The following PPP3CA variants were observed in gnomAD, a reference collection of about 807,000 sequenced individuals.
PPP3CA encodes protein phosphatase 3 catalytic subunit alpha.
Under a neutral mutation model 66.5 loss-of-function variants are expected in PPP3CA, and 14 were observed. The ratio of observed to expected loss-of-function variants is 0.21; its 90% CI spans 0.14 to 0.33. The LOEUF (loss-of-function observed/expected upper bound fraction) is 0.33. PPP3CA is among the 10% of genes least tolerant of loss of function. The pLI is 1.00. For missense variants in PPP3CA, 317 were observed against 639.5 expected, an observed-to-expected ratio of 0.50 and a Z score of 5.44; for synonymous variants, 232 against 226.2, an observed-to-expected ratio of 1.03 and a Z score of -0.23.
chr4:101,029,649 T>A lies in PPP3CA; in HGVS notation c.1340-454A>T, dbSNP rs189278530. On this transcript the variant is annotated intron_variant, in intron 12 of 13. Transcript: ENST00000394854. The stretch of plus-strand genomic sequence containing the variant: ...CAGAATTTGAAGCAGTGCCACAATA[T>A]CAGTGGGATCATTCACACTATTTAA... Among the ~76,000 whole-genome samples the A allele has an allele frequency of 4.6e-5, 7 of 151,834 alleles. No homozygotes were observed. In the East Asian group the frequency reaches 1.4e-3, roughly 29 times the overall value.
At chr4:101,151,707 AGTGCAGT>A (rs1723147127) in intron 2 of PPP3CA, among the ~76,000 whole-genome samples, 1 of 105,806 alleles carries the variant, frequency 9.5e-6, no homozygotes, top group South Asian at 3.5e-4. Context: ...CCCAGGCTGG[AGTGCAGT>A]GGCGCAATCT....
chr4:101,333,164 G>A (rs1460707629), intron 1 of PPP3CA, among the ~76,000 whole-genome samples: 3 of 145,960 alleles, frequency 2.1e-5, no homozygotes, highest in Admixed American at 6.9e-5. Flanking sequence ...GAATGTAACG[G>A]CATGATCATG....
intron 3 of PPP3CA, among the ~76,000 whole-genome samples, chr4:101,108,354 T>C (rs565521820): frequency 3.3e-5 from 5 of 152,344 alleles, no homozygotes; most frequent in African/African-American, 9.6e-5. Flanking sequence ...TTTCTTTCAA[T>C]GGAAAATGGA....
At chr4:101,177,357 C>T (rs1724095032) in intron 2 of PPP3CA, among the ~76,000 whole-genome samples, 2 of 152,032 alleles carry the variant, frequency 1.3e-5, no homozygotes, top group Admixed American at 1.3e-4. Flanking sequence ...TTTGAGATCA[C>T]CTAGAATAAC....
intron 1 of PPP3CA, among the ~76,000 whole-genome samples, chr4:101,298,156 G>T (rs1728253658): frequency 6.6e-6 from 1 of 151,886 alleles, no homozygotes. Context: ...AAGCTAATGG[G>T]TCTCATAGCT....
chr4:101,234,597 G>C (rs1041069377), intron 1 of PPP3CA, among the ~76,000 whole-genome samples: 2 of 150,432 alleles, frequency 1.3e-5, no homozygotes, highest in Non-Finnish European at 1.5e-5. Context: ...CTTGTAAATC[G>C]GGTCATTTTT....
At chr4:101,271,118 A>C (rs1019618871) in intron 1 of PPP3CA, among the ~76,000 whole-genome samples, 1 of 152,068 alleles carries the variant, frequency 6.6e-6, no homozygotes, top group Non-Finnish European at 1.5e-5. Flanking sequence ...ACTGTTCTCC[A>C]AATAACAGCA....
intron 2 of PPP3CA, among the ~76,000 whole-genome samples, chr4:101,130,375 C>T (rs1055485940): frequency 1.3e-5 from 2 of 152,124 alleles, no homozygotes; most frequent in African/African-American, 4.8e-5. Flanking sequence ...GACAGGCCAA[C>T]ATCCAAATTC....
At chr4:101,346,701 C>T in intron 1 of PPP3CA, 38 bp downstream of exon 1, 4 of 1,578,238 alleles carry the variant, frequency 2.5e-6, no homozygotes, top group Non-Finnish European at 3.5e-6. Flanking sequence ...GCGCCTGCGG[C>T]ACACGGTGCA....
chr4:101,255,742 T>C (rs1023749261), intron 1 of PPP3CA, among the ~76,000 whole-genome samples: 1 of 152,074 alleles, frequency 6.6e-6, no homozygotes, highest in South Asian at 2.1e-4. Flanking sequence ...CTTATTTTTA[T>C]ATCTTACACT....
At chr4:101,164,990 G>C (rs1341862659) in intron 2 of PPP3CA, among the ~76,000 whole-genome samples, 2 of 152,032 alleles carry the variant, frequency 1.3e-5, no homozygotes, top group African/African-American at 4.8e-5. Flanking sequence ...GATTAGCACT[G>C]ACTCTGGGTA....
intron 1 of PPP3CA, among the ~76,000 whole-genome samples, chr4:101,223,121 A>T (rs1344186746): frequency 6.6e-6 from 1 of 151,778 alleles, no homozygotes; most frequent in Non-Finnish European, 1.5e-5. Flanking sequence ...CCCCATGAAG[A>T]AATGAACTAA....
chr4:101,135,910 C>A (rs1722606678), intron 2 of PPP3CA, among the ~76,000 whole-genome samples: 2 of 152,216 alleles, frequency 1.3e-5, no homozygotes, highest in Non-Finnish European at 2.9e-5. Flanking sequence ...CAAATGGCAG[C>A]ACTAGCACTA....
chr4:101,274,218 T>C (rs11941991), intron 1 of PPP3CA, among the ~76,000 whole-genome samples: 100,039 of 151,676 alleles, frequency 0.66, 33,986 homozygotes, highest in Non-Finnish European at 0.75. Context: ...GTGGGAGAAT[T>C]ACTTGAACCC....
intron 1 of PPP3CA, among the ~76,000 whole-genome samples, chr4:101,210,222 A>G (rs952542850): frequency 6.6e-6 from 1 of 152,144 alleles, no homozygotes; most frequent in Non-Finnish European, 1.5e-5. Context: ...CCAAGTTCCC[A>G]GGATTATCTC....
chr4:101,034,338 G>A (rs1264697157), intron 11 of PPP3CA, among the ~76,000 whole-genome samples: 3 of 152,078 alleles, frequency 2.0e-5, no homozygotes, highest in Admixed American at 1.3e-4. Context: ...ACTTCCTTAG[G>A]AATGCCATTT....
chr4:101,110,603 C>T (rs908442135), intron 2 of PPP3CA, among the ~76,000 whole-genome samples: 1 of 152,124 alleles, frequency 6.6e-6, no homozygotes, highest in Non-Finnish European at 1.5e-5. Flanking sequence ...GCATGAGATA[C>T]ACAGTAGAAA....
chr4:101,196,178 T>C (rs1724785396), intron 1 of PPP3CA, 62 bp from the exon 2 acceptor site: 3 of 1,453,416 alleles, frequency 2.1e-6, no homozygotes, highest in South Asian at 2.5e-5. Context: ...AATGCAATAA[T>C]AACCACCAAA....
At chr4:101,150,547 T>C (rs1723104886) in intron 2 of PPP3CA, among the ~76,000 whole-genome samples, 1 of 152,218 alleles carries the variant, frequency 6.6e-6, no homozygotes, top group Admixed American at 6.5e-5. Context: ...CTTTATGTAA[T>C]GATTGGTATC....
Sources: allele counts gnomAD v4.1 joint callset (sites outside exome capture counted in the v4.1 genomes callset), GRCh38; gene constraint gnomAD v4.1.1; transcripts MANE v1.5; gene names NCBI Gene and HGNC (gene_info 2026-07-23, HGNC 2026-07-21).